Variants in UMAD1 observed in about 807,000 individuals in gnomAD.
UMAD1 encodes UBAP1-MVB12-associated (UMA)-domain containing protein 1.
A neutral mutation model predicts 6.1 loss-of-function variants in UMAD1; 8 were observed. The observed-to-expected ratio is 1.30, with a 90% CI of 0.76 to 2.35. UMAD1 has a LOEUF of 2.35. UMAD1 is among the 30% of genes most tolerant of loss of function. UMAD1 has a pLI of 0.00. For synonymous variants in UMAD1, 56 were observed against 31.4 expected, an observed-to-expected ratio of 1.78 and a Z score of -2.61; for missense variants, 130 against 78.4, an observed-to-expected ratio of 1.66 and a Z score of -2.49.
chr7:7,657,887 G>C (rs9692400), intron 1 of UMAD1, among the ~76,000 whole-genome samples: 1 of 151,938 alleles, frequency 6.6e-6, no homozygotes, highest in Non-Finnish European at 1.5e-5. Context: ...CATTGAATCT[G>C]TAAATTACTT....
chr7:7,872,074 C>G (rs965511466), intron 3 of UMAD1, among the ~76,000 whole-genome samples: 17 of 150,348 alleles, frequency 1.1e-4, no homozygotes, highest in African/African-American at 4.2e-4. Context: ...CTGCTCTACT[C>G]AGCCATAAAA....
intron 1 of UMAD1, among the ~76,000 whole-genome samples, chr7:7,672,508 C>G (rs148219409): frequency 1.4e-4 from 21 of 152,286 alleles, no homozygotes; most frequent in African/African-American, 4.8e-4. Context: ...CCACCCAAAT[C>G]TCACTTTGAA....
chr7:7,661,684 G>A (rs985813219), intron 1 of UMAD1, among the ~76,000 whole-genome samples: 1 of 152,162 alleles, frequency 6.6e-6, no homozygotes, highest in African/African-American at 2.4e-5. Context: ...TGGAAGCTTT[G>A]TCCCAGAGGG....
chr7:7,728,229 A>C (rs1781179179), intron 2 of UMAD1, among the ~76,000 whole-genome samples: 1 of 151,526 alleles, frequency 6.6e-6, no homozygotes, highest in South Asian at 2.1e-4. Flanking sequence ...ACTTGACATA[A>C]AGATCTAGGG....
At chr7:7,685,840 T>C (rs757202084) in intron 2 of UMAD1, 1 of 152,258 alleles carries the variant, frequency 6.6e-6, no homozygotes, top group South Asian at 2.1e-4. Context: ...CTTGGAAGAA[T>C]AGTATCTCAT....
rs562984988 is a variant in UMAD1, at chr7:7,722,155, C to A, written c.82+48702C>A. On this transcript the variant is annotated intron_variant, in intron 2 of 3. Transcript: ENST00000682710. ...ACTCCTTAATAAACTCTCTCTCTCT[C>A]TCTATATATATATATGTATATATAT... is the stretch of plus-strand genomic sequence containing the variant. 5.2e-3 allele frequency among the ~76,000 whole-genome samples: 741 copies of A among 142,636 alleles called. 3 individuals are homozygous for A. The highest frequency in any genetic ancestry group is 7.1e-3 in the Middle Eastern group (2 of 280). The allele number at this position is 142,636 out of a possible 152,430, so 93.6% of individuals were successfully genotyped here.
intron 2 of UMAD1, among the ~76,000 whole-genome samples, chr7:7,761,512 T>C (rs1781889978): frequency 6.6e-6 from 1 of 152,246 alleles, no homozygotes; most frequent in Non-Finnish European, 1.5e-5. Flanking sequence ...CCTCTCCTTT[T>C]CACATCCTTG....
At chr7:7,807,977 A>G (rs1782952124) in intron 3 of UMAD1, among the ~76,000 whole-genome samples, 1 of 152,036 alleles carries the variant, frequency 6.6e-6, no homozygotes, top group East Asian at 1.9e-4. Context: ...TGAACTATCT[A>G]ATCATCAAAA....
intron 3 of UMAD1, among the ~76,000 whole-genome samples, chr7:7,855,500 T>G (rs1783998401): frequency 6.6e-6 from 1 of 152,230 alleles, no homozygotes; most frequent in Admixed American, 6.5e-5. Context: ...AGGAACGGCC[T>G]GAGTTGTACC....
At chr7:7,765,093 A>C (rs1305361124) in intron 2 of UMAD1, among the ~76,000 whole-genome samples, 1 of 151,054 alleles carries the variant, frequency 6.6e-6, no homozygotes, top group African/African-American at 2.4e-5. Flanking sequence ...TCCTGTTTTT[A>C]GTCTTCCCTT....
intron 1 of UMAD1, among the ~76,000 whole-genome samples, chr7:7,668,075 G>T (rs9640047): frequency 6.6e-6 from 1 of 151,674 alleles, no homozygotes; most frequent in Non-Finnish European, 1.5e-5. Flanking sequence ...CACCACCACA[G>T]CTGGCTAATT....
intron 2 of UMAD1, among the ~76,000 whole-genome samples, chr7:7,782,940 C>T (rs946342015): frequency 6.6e-6 from 1 of 152,118 alleles, no homozygotes; most frequent in Non-Finnish European, 1.5e-5. Context: ...GCCATGTTGG[C>T]CAGGCTGGTC....
At chr7:7,773,320 T>C (rs1343783252) in intron 2 of UMAD1, among the ~76,000 whole-genome samples, 1 of 152,156 alleles carries the variant, frequency 6.6e-6, no homozygotes, top group East Asian at 1.9e-4. Flanking sequence ...CCAGAAACCA[T>C]GAGAGGAGAA....
intron 2 of UMAD1, among the ~76,000 whole-genome samples, chr7:7,748,805 C>G (rs1317499415): frequency 6.6e-6 from 1 of 151,516 alleles, no homozygotes; most frequent in Non-Finnish European, 1.5e-5. Flanking sequence ...TTTTTAGGAG[C>G]AAAAATTTGG....
chr7:7,659,245 A>T lies in UMAD1; in HGVS notation c.-63-14064A>T, dbSNP rs554780800. Among the ~76,000 whole-genome samples, 60 of 151,938 alleles carry T rather than the reference A, an allele frequency of 3.9e-4. No individual in the cohort carries two copies. In the South Asian group the frequency reaches 4.6e-3, roughly 12 times the overall value. On this transcript the variant is annotated intron_variant, in intron 1 of 3. Transcript: ENST00000682710. ...AGTCTTTTTATTTTGTTGATCTTTT[A>T]AAAAAGCCAGCTCCTGGATTCATTG...
chr7:7,656,831 GT>G (rs1785355735), intron 1 of UMAD1, among the ~76,000 whole-genome samples: 1 of 152,184 alleles, frequency 6.6e-6, no homozygotes. Flanking sequence ...TATATACCCA[GT>G]AATGGGATTG....
rs28912724 is a variant in UMAD1, at chr7:7,688,286, G to T, written c.82+14833G>T. 7.8e-4 allele frequency among the ~76,000 whole-genome samples: 119 copies of T among 152,276 alleles called. 1 individual carries two copies. The highest frequency in any genetic ancestry group is 2.7e-3 in the African/African-American group (113 of 41,562). ...AGGATATTTTTATCTTAATGGTAAA[G>T]GTGGGAGAGTTGTTGTCAGGTGGGG... On this transcript the variant is annotated intron_variant, in intron 2 of 3. Coordinates refer to ENST00000682710, the MANE Select transcript of UMAD1 (RefSeq NM_001302348.2).
chr7:7,645,657 C>T (rs35402340), intron 1 of UMAD1, among the ~76,000 whole-genome samples: 89,112 of 151,906 alleles, frequency 0.59, 27,820 homozygotes, highest in East Asian at 0.88. Context: ...TGAATTGTTA[C>T]GGAATTTGAT....
chr7:7,761,100 G>A (rs1781880296), intron 2 of UMAD1, among the ~76,000 whole-genome samples: 1 of 152,088 alleles, frequency 6.6e-6, no homozygotes, highest in Non-Finnish European at 1.5e-5. Context: ...CACGGTGGCT[G>A]ACGCCTGTAA....
Sources: gnomAD v4.1 joint callset for allele counts (sites outside exome capture counted in the v4.1 genomes callset) on GRCh38, gnomAD v4.1.1 for gene constraint, MANE v1.5 for transcripts, NCBI Gene and HGNC (gene_info 2026-07-23, HGNC 2026-07-21) for gene names.